Variants in C1orf21 observed in about 807,000 individuals in gnomAD.
C1orf21 encodes the protein uncharacterized protein C1orf21.
C1orf21 carries 3 observed loss-of-function variants against 18.7 expected under a neutral mutation model. That is an observed-to-expected ratio of 0.16 (90% CI 0.07 to 0.42). C1orf21 has a LOEUF of 0.42. Ranked by LOEUF, C1orf21 falls within the 10% of genes least tolerant of loss-of-function variation. The probability of loss-of-function intolerance (pLI) is 0.99; values close to 1 mark genes in which losing one functional copy is unlikely to be tolerated. For missense variants in C1orf21, 104 were observed against 143.6 expected (o/e 0.72, Z 1.41); for synonymous variants, 41 against 46.4 (o/e 0.88, Z 0.47).
rs201196718 is a variant in C1orf21, at chr1:184,577,947, G to GTTT, written c.190-12789_190-12787dup. On this transcript the variant is annotated intron_variant, in intron 3 of 5. Transcript: ENST00000235307. The stretch of plus-strand genomic sequence containing the variant: ...TCTTTGTCCGTTTGTTTTTTGTTTT[G>GTTT]TTTTTGTTTTTTTTTTTTTTTTTTG... Among the ~76,000 whole-genome samples the GTTT allele has an allele frequency of 8.1e-4, 70 of 86,700 alleles. 4 individuals are homozygous for GTTT. Among genetic ancestry groups the GTTT allele is most frequent in the African/African-American group, 1.4e-3 (26 of 18,098 alleles). The allele number at this position is 86,700 out of a possible 152,430, so 56.9% of individuals were successfully genotyped here. A position where few individuals can be genotyped will look rare whatever the true frequency, so the allele number is the denominator to read the frequency against.
chr1:184,410,650 T>TAATATATATATATA lies in C1orf21; in HGVS notation c.-125+23283_-125+23284insATATATATATATAA. On this transcript the variant is annotated intron_variant, in intron 1 of 5. Transcript: ENST00000235307. ...ATATATATATATATATATATATATA[T>TAATATATATATATA]ATATATATATATATTTTTTTTTTTT... is the stretch of plus-strand genomic sequence containing the variant. Among the ~76,000 whole-genome samples the TAATATATATATATA allele has an allele frequency of 2.3e-3, 15 of 6,666 alleles. 2 individuals are homozygous for TAATATATATATATA. The African/African-American group carries it at 0.037, about 17-fold the overall frequency. The allele number at this position is 6,666 out of a possible 152,430, so 4.4% of individuals were successfully genotyped here.
rs937646957 is a variant in C1orf21, at chr1:184,387,035, C to T, written c.-458C>T. The T allele has an allele frequency of 2.6e-5, 4 of 151,644 alleles. No homozygotes were observed. Among genetic ancestry groups the T allele is most frequent in the South Asian group, 2.1e-4 (1 of 4,822 alleles). 9.4% of individuals were successfully genotyped at this position (151,644 alleles called of 1,614,324 possible). ...GAGCTCCCCTCCCTCGCTCGCTCCT[C>T]GCAAGCTCCCGCTCGCTCCCTGCCC... is the stretch of plus-strand genomic sequence containing the variant. On this transcript the variant is annotated 5_prime_UTR_variant, in exon 1 of 6. Coordinates refer to ENST00000235307, the MANE Select transcript of C1orf21 (RefSeq NM_030806.4). This position sits in a 1 kb window ranked among gnomAD's most constrained non-coding sequence, Gnocchi z 5.6.
chr1:184,494,630 G>T lies in C1orf21; in HGVS notation c.95-12958G>T, dbSNP rs572921101. On this transcript the variant is annotated intron_variant, in intron 2 of 5. Transcript: ENST00000235307. ...TCTGTGGTTTTCTCTGTTAAGGGCA[G>T]CAGTGGGAGGTAGAATTTTGTACCA... Among the ~76,000 whole-genome samples the T allele has an allele frequency of 1.4e-4, 22 of 152,312 alleles. No homozygotes were observed. The South Asian group carries it at 4.6e-3, about 32-fold the overall frequency.
chr1:184,503,971 A>T (rs1293196911), intron 2 of C1orf21, among the ~76,000 whole-genome samples: 1 of 152,234 alleles, frequency 6.6e-6, no homozygotes, highest in Non-Finnish European at 1.5e-5. Context: ...GTTTGAGATC[A>T]GAAGGGATCT....
intron 1 of C1orf21, among the ~76,000 whole-genome samples, chr1:184,437,490 C>A (rs1656877173): frequency 6.6e-6 from 1 of 152,078 alleles, no homozygotes; most frequent in African/African-American, 2.4e-5. Flanking sequence ...TGGCGTCACA[C>A]CCTGAGTGCA....
At chr1:184,574,184 A>G (rs1268184473) in intron 3 of C1orf21, among the ~76,000 whole-genome samples, 1 of 152,204 alleles carries the variant, frequency 6.6e-6, no homozygotes, top group Non-Finnish European at 1.5e-5. Context: ...CAGCATGGGT[A>G]ACGGAGAAAG....
intron 1 of C1orf21, among the ~76,000 whole-genome samples, chr1:184,436,341 CA>C (rs1276189725): frequency 2.0e-5 from 3 of 152,014 alleles, no homozygotes; most frequent in African/African-American, 7.2e-5. Flanking sequence ...TCAAGAAGAA[CA>C]GGGGAAGTGT....
intron 3 of C1orf21, among the ~76,000 whole-genome samples, chr1:184,583,082 G>T (rs1011858350): frequency 6.6e-6 from 1 of 152,072 alleles, no homozygotes; most frequent in African/African-American, 2.4e-5. Context: ...CAGGTGATCC[G>T]CCCGCCTCGG....
At chr1:184,522,199 A>C (rs937027153) in intron 3 of C1orf21, among the ~76,000 whole-genome samples, 1 of 152,208 alleles carries the variant, frequency 6.6e-6, no homozygotes, top group Admixed American at 6.5e-5. Context: ...AAATATTAAT[A>C]GATATTTGTA....
chr1:184,429,905 G>A (rs944112967), intron 1 of C1orf21, among the ~76,000 whole-genome samples: 12 of 151,950 alleles, frequency 7.9e-5, no homozygotes, highest in Non-Finnish European at 1.2e-4. Flanking sequence ...TCAGAAGATC[G>A]AGACCATCCT....
At chr1:184,399,195 A>G (rs961410305) in intron 1 of C1orf21, among the ~76,000 whole-genome samples, 4 of 151,960 alleles carry the variant, frequency 2.6e-5, no homozygotes, top group Non-Finnish European at 1.5e-5. Flanking sequence ...GGATTTGTCT[A>G]TAGGATTCCC....
At chr1:184,498,026 G>C (rs1657918153) in intron 2 of C1orf21, among the ~76,000 whole-genome samples, 1 of 151,980 alleles carries the variant, frequency 6.6e-6, no homozygotes, top group South Asian at 2.1e-4. Context: ...GCCTACTCTG[G>C]GCTTTCAGTG....
intron 1 of C1orf21, among the ~76,000 whole-genome samples, chr1:184,396,983 T>C (rs1261575745): frequency 6.6e-6 from 1 of 152,156 alleles, no homozygotes. Flanking sequence ...TTTATAAATG[T>C]GATAGTTGAA....
intron 3 of C1orf21, among the ~76,000 whole-genome samples, chr1:184,554,379 T>C (rs1282857363): frequency 1.3e-5 from 2 of 152,162 alleles, no homozygotes; most frequent in Admixed American, 6.6e-5. Flanking sequence ...TGAAACCCAA[T>C]GTCAAGAATT....
intron 4 of C1orf21, among the ~76,000 whole-genome samples, chr1:184,595,591 A>ATT (rs1031476756): frequency 3.3e-5 from 5 of 152,108 alleles, no homozygotes; most frequent in African/African-American, 9.7e-5. Context: ...CATTGAAGAG[A>ATT]TTTCTCTTCT....
intron 1 of C1orf21, among the ~76,000 whole-genome samples, chr1:184,461,708 G>A (rs16823195): frequency 0.11 from 16,325 of 152,082 alleles, 1,012 homozygotes; most frequent in Middle Eastern, 0.19. Flanking sequence ...GTTTTATTCC[G>A]ATTTGATTTG....
chr1:184,538,307 T>A (rs528263274), intron 3 of C1orf21, among the ~76,000 whole-genome samples: 1 of 152,336 alleles, frequency 6.6e-6, no homozygotes, highest in Non-Finnish European at 1.5e-5. Context: ...ATCTTTCAAT[T>A]TAGTTGTTTG....
At chr1:184,513,515 G>A (rs1173975708) in intron 3 of C1orf21, among the ~76,000 whole-genome samples, 3 of 152,238 alleles carry the variant, frequency 2.0e-5, no homozygotes, top group Non-Finnish European at 4.4e-5. Flanking sequence ...CACTAGAACA[G>A]TGGATACCCT....
rs558867238 is a variant in C1orf21, at chr1:184,554,418, G to A, written c.190-36321G>A. Among the ~76,000 whole-genome samples the A allele has an allele frequency of 1.6e-4, 24 of 152,234 alleles. No homozygotes were observed. In the South Asian group the frequency reaches 4.8e-3, roughly 30 times the overall value. Reference sequence around the variant, plus strand: ...AGCAGAGTAAGGTATGGAGAAAGAAGGTAAAGAAACTATTGGGTGGTTTGG... The same window carrying A: ...AGCAGAGTAAGGTATGGAGAAAGAAAGTAAAGAAACTATTGGGTGGTTTGG... On this transcript the variant is annotated intron_variant, in intron 3 of 5. Coordinates refer to ENST00000235307, the MANE Select transcript of C1orf21 (RefSeq NM_030806.4).
Sources: gnomAD v4.1 joint callset for allele counts (sites outside exome capture counted in the v4.1 genomes callset) on GRCh38, gnomAD v4.1.1 for gene constraint, Gnocchi (gnomAD v3.1) non-coding constraint, MANE v1.5 for transcripts, NCBI Gene and HGNC (gene_info 2026-07-23, HGNC 2026-07-21) for gene names.